The following COQ8A variants were observed in gnomAD, a reference collection of about 807,000 sequenced individuals.
COQ8A encodes the protein atypical kinase COQ8A, mitochondrial.
In COQ8A, 51 loss-of-function variants were observed where a neutral mutation model predicts 65.0. The ratio of observed to expected loss-of-function variants is 0.78; its 90% CI spans 0.63 to 0.99. The LOEUF is 0.99. Among genes scored for constraint, COQ8A ranks in the 50% least tolerant of loss-of-function variants. The pLI, the probability that COQ8A is intolerant of heterozygous loss-of-function variation, is 0.00. For synonymous variants in COQ8A, 371 were observed against 353.2 expected, an observed-to-expected ratio of 1.05 and a Z score of -0.57; for missense variants, 940 against 875.0, an observed-to-expected ratio of 1.07 and a Z score of -0.94.
At chr1:226,961,701 C>T (rs1419704551) in intron 2 of COQ8A, 139 bp downstream of exon 2, 11 of 1,087,350 alleles carry the variant, frequency 1.0e-5, no homozygotes, top group South Asian at 1.6e-5. Flanking sequence ...ATGTGTCCCA[C>T]GGTCCTTCCA....
At position 226,965,153 on chromosome 1, in the gene COQ8A, C is replaced by T; in HGVS notation, c.331C>T (p.His111Tyr). 2 of 1,613,918 alleles carry T rather than the reference C, an allele frequency of 1.2e-6. No homozygotes were observed. The highest frequency in any genetic ancestry group is 8.5e-7 in the Non-Finnish European group (1 of 1,180,050). Reference sequence around the variant, plus strand: ...AGCGCCCCCATCCCTGGGTCATGCCCACAGCGAGGGCCCAGCTCCTGCCTA... The same window carrying T: ...AGCGCCCCCATCCCTGGGTCATGCCTACAGCGAGGGCCCAGCTCCTGCCTA... ...QSAPPSLGHA[H>Y]SEGPAPAYVA... The change falls in exon 3 of 15, where the codon CAC becomes TAC. Residue 111 changes from histidine to tyrosine, a missense_variant. Coordinates refer to ENST00000366777, the MANE Select transcript of COQ8A (RefSeq NM_020247.5).
In COQ8A at chr1:226,986,505, C is replaced by T; in HGVS notation, c.1712C>T (p.Ala571Val). 3 of 1,613,660 alleles carry T rather than the reference C, an allele frequency of 1.9e-6. No homozygotes were observed. The highest frequency in any genetic ancestry group is 2.5e-6 in the Non-Finnish European group (3 of 1,180,006). ...DAILILGEAF[A>V]SDEPFDFGTQ... Reference sequence around the variant, plus strand: ...ATCCTCATCCTGGGGGAGGCCTTCGCCTCTGATGAGCCTTTTGATTTTGGC... The same window carrying T: ...ATCCTCATCCTGGGGGAGGCCTTCGTCTCTGATGAGCCTTTTGATTTTGGC... Residue 571 changes from alanine (A) to valine (V), a missense_variant, in exon 15 of 15, where the codon GCC becomes GTC. Ala to Val is a moderately conservative substitution (Grantham distance 64). Coordinates refer to ENST00000366777, the MANE Select transcript of COQ8A (RefSeq NM_020247.5).
chr1:226,973,356 T>TA (rs1659010295), intron 4 of COQ8A, among the ~76,000 whole-genome samples: 1 of 152,208 alleles, frequency 6.6e-6, no homozygotes, highest in African/African-American at 2.4e-5. Flanking sequence ...GAGAGGTTCT[T>TA]ATTCTCTCCT....
At chr1:226,984,040 G>GC (rs1659901905) in intron 10 of COQ8A, 54 bp from the exon 11 acceptor site, 5 of 1,521,528 alleles carry the variant, frequency 3.3e-6, no homozygotes, top group African/African-American at 1.4e-5. Flanking sequence ...TGTGTGGGGG[G>GC]GGGGACGGTG....
chr1:226,986,774 T>C lies in COQ8A; in HGVS notation c.*37T>C, dbSNP rs773718246. On this transcript the variant is annotated 3_prime_UTR_variant, in exon 15 of 15. Coordinates refer to ENST00000366777, the MANE Select transcript of COQ8A (RefSeq NM_020247.5). ...ACGCCCAGGCCGGCTCCGCGGGAAC[T>C]CTCTCCCTCAGACAGGCCAAAAACC... The C allele has an allele frequency of 5.0e-6, 8 of 1,600,892 alleles. No homozygotes were observed. In the African/African-American group the frequency reaches 8.0e-5, roughly 16 times the overall value.
chr1:226,966,081 G>A (rs1453972364), intron 4 of COQ8A, among the ~76,000 whole-genome samples: 2 of 152,240 alleles, frequency 1.3e-5, no homozygotes, highest in Non-Finnish European at 2.9e-5. Flanking sequence ...GGCTGCTTTG[G>A]AGGCCTCTCA....
At chr1:226,944,218 G>T (rs1213093156) in intron 1 of COQ8A, among the ~76,000 whole-genome samples, 1 of 152,052 alleles carries the variant, frequency 6.6e-6, no homozygotes, top group Non-Finnish European at 1.5e-5. Flanking sequence ...GCCCTCAGGT[G>T]TCACAGAGGG....
In COQ8A at chr1:226,978,484, ACCT is replaced by A. The variant is rs1315043851; in HGVS notation, c.730+965_730+967del. Reference sequence around the variant, plus strand: ...CTCCACACCCACCAAATACCTGCACACCTCCTTACACATCCTCCACACACCCAC... The same window carrying A: ...CTCCACACCCACCAAATACCTGCACACCTTACACATCCTCCACACACCCAC... On this transcript the variant is annotated intron_variant, in intron 5 of 14. Coordinates refer to ENST00000366777, the MANE Select transcript of COQ8A (RefSeq NM_020247.5). Among the ~76,000 whole-genome samples, 49 of 134,162 alleles carry A rather than the reference ACCT, an allele frequency of 3.7e-4. 1 individual carries two copies. Among genetic ancestry groups the A allele is most frequent in the African/African-American group, 1.3e-3 (46 of 34,384 alleles). The allele number at this position is 134,162 out of a possible 152,430, so 88.0% of individuals were successfully genotyped here. A position where few individuals can be genotyped will look rare whatever the true frequency, so the allele number is the denominator to read the frequency against.
intron 5 of COQ8A, among the ~76,000 whole-genome samples, chr1:226,978,311 C>CCA (rs1311966234): frequency 4.8e-5 from 7 of 144,964 alleles, no homozygotes; most frequent in South Asian, 2.2e-4. Context: ...CACCCACCCA[C>CCA]CACACACCTG....
rs975978573 is a variant in COQ8A, at chr1:226,940,329, G to C, written c.-80G>C. 6.6e-6 allele frequency: 1 copy of C among 152,356 alleles called. No individual in the cohort carries two copies. Among genetic ancestry groups the C allele is most frequent in the South Asian group, 2.1e-4 (1 of 4,828 alleles). The allele number at this position is 152,356 out of a possible 1,614,324, so 9.4% of individuals were successfully genotyped here. ...GGAGCGCGTGGCGGGCGTCAGCGCGGTGGCCAGCGCGCAGAGGCGGGCGCG... is the reference window on the plus strand; with the variant it reads ...GGAGCGCGTGGCGGGCGTCAGCGCGCTGGCCAGCGCGCAGAGGCGGGCGCG... On this transcript the variant is annotated 5_prime_UTR_variant, in exon 1 of 15. Transcript: ENST00000366777.
At chr1:226,963,131 A>C (rs1219444333) in intron 2 of COQ8A, among the ~76,000 whole-genome samples, 1 of 152,116 alleles carries the variant, frequency 6.6e-6, no homozygotes, top group African/African-American at 2.4e-5. Flanking sequence ...GGCACTCTCC[A>C]ACCCTCTGCT....
intron 1 of COQ8A, among the ~76,000 whole-genome samples, chr1:226,944,741 GAGAGAGAGTGAGAGAGAGAGAGT>G (rs1656913265): frequency 7.6e-5 from 1 of 13,080 alleles, no homozygotes; most frequent in Admixed American, 1.0e-3. Flanking sequence ...GAGAGAGAGA[GAGAGAGAGTGAGAGAGAGAGAGT>G]GAGAGAGAGA....
intron 1 of COQ8A, among the ~76,000 whole-genome samples, chr1:226,941,267 G>A (rs1053498904): frequency 6.6e-6 from 1 of 152,194 alleles, no homozygotes; most frequent in Non-Finnish European, 1.5e-5. Context: ...TTGGGCCTTG[G>A]ATCTACGTGA....
At chr1:226,958,523 A>T (rs952544324) in intron 1 of COQ8A, among the ~76,000 whole-genome samples, 1 of 152,218 alleles carries the variant, frequency 6.6e-6, no homozygotes, top group Admixed American at 6.5e-5. Context: ...AGGTACGGGC[A>T]TGCCACGCTG....
At chr1:226,978,835 TACAC>T (rs1433729127) in intron 5 of COQ8A, among the ~76,000 whole-genome samples, 4 of 95,014 alleles carry the variant, frequency 4.2e-5, no homozygotes, top group African/African-American at 8.1e-5. Flanking sequence ...CACACCTCCT[TACAC>T]ACCCACCTCA....
At position 226,984,078 on chromosome 1, in the gene COQ8A, T is replaced by G. The variant is rs1659907776; in HGVS notation, c.1257-16T>G. The G allele has an allele frequency of 6.2e-7, 1 of 1,612,720 alleles. No homozygotes were observed. Among genetic ancestry groups the G allele is most frequent in the East Asian group, 2.2e-5 (1 of 44,862 alleles). On this transcript the variant is annotated splice_polypyrimidine_tract_variant and intron_variant, in intron 10 of 14. Transcript: ENST00000366777. ...GAGGGCCTGTGGCTAGGGCGTGACC[T>G]CCCTCCCCTACCCAGGGACCTGCTG...
Position 226,978,228 on chromosome 1 carries a change from A to C in COQ8A, c.730+705A>C, listed in dbSNP as rs111162994. On this transcript the variant is annotated intron_variant, in intron 5 of 14. Coordinates refer to ENST00000366777, the MANE Select transcript of COQ8A (RefSeq NM_020247.5). ...GCACACCTCCTTACACACCCTCTAC[A>C]CACCCACCACACACACCTGCTTACA... Among the ~76,000 whole-genome samples the C allele has an allele frequency of 1.9e-3, 179 of 95,126 alleles. 1 individual carries two copies. Among genetic ancestry groups the C allele is most frequent in the South Asian group, 9.9e-3 (30 of 3,040 alleles). The allele number at this position is 95,126 out of a possible 152,430, so 62.4% of individuals were successfully genotyped here.
At chr1:226,960,078 TTGG>T (rs1189308765) in intron 1 of COQ8A, among the ~76,000 whole-genome samples, 49 of 145,492 alleles carry the variant, frequency 3.4e-4, no homozygotes, top group East Asian at 6.2e-4. Flanking sequence ...GTGGTGGTAC[TTGG>T]TGGTGGTGGT....
At chr1:226,960,297 C>CGGTGG (rs1658100298) in intron 1 of COQ8A, among the ~76,000 whole-genome samples, 1 of 18,676 alleles carries the variant, frequency 5.4e-5, no homozygotes, top group Non-Finnish European at 1.1e-4. Flanking sequence ...GGTGGTGGTA[C>CGGTGG]TTGGTGGTGG....
Sources: allele counts gnomAD v4.1 joint callset (sites outside exome capture counted in the v4.1 genomes callset), GRCh38; gene constraint gnomAD v4.1.1; transcripts MANE v1.5; gene names NCBI Gene and HGNC (gene_info 2026-07-23, HGNC 2026-07-21).